The following PTCHD4 variants were observed in gnomAD, a reference collection of about 807,000 sequenced individuals.
The protein encoded by PTCHD4 is patched domain containing 4, also known as patched domain-containing protein 4.
A neutral mutation model predicts 58.1 loss-of-function variants in PTCHD4; 33 were observed. The ratio of observed to expected loss-of-function variants is 0.57; its 90% CI spans 0.43 to 0.76. PTCHD4 has a LOEUF of 0.76. PTCHD4 is among the 30% of genes least tolerant of loss of function. PTCHD4 has a pLI of 0.00. For missense variants in PTCHD4, 1,058 were observed against 1,027.1 expected, an observed-to-expected ratio of 1.03 and a Z score of -0.41; for synonymous variants, 478 against 409.6, an observed-to-expected ratio of 1.17 and a Z score of -2.02.
At chr6:48,002,400 A>G (rs1276452863) in intron 4 of PTCHD4, among the ~76,000 whole-genome samples, 1 of 152,220 alleles carries the variant, frequency 6.6e-6, no homozygotes, top group African/African-American at 2.4e-5. Flanking sequence ...AAAATGTGGC[A>G]CATATACACC....
Position 48,033,638 on chromosome 6 carries a change from T to A in PTCHD4, c.418-24524A>T, listed in dbSNP as rs557009722. On this transcript the variant is annotated intron_variant, in intron 3 of 4. Transcript: ENST00000339488. ...ACTGAAAACTCTACATCCAGATGCA[T>A]GGAGACTTGTAATACCAGTCATGAC... Among the ~76,000 whole-genome samples, 3 of 151,996 alleles carry A rather than the reference T, an allele frequency of 2.0e-5. No individual in the cohort carries two copies. In the East Asian group the frequency reaches 5.8e-4, roughly 29 times the overall value.
intron 4 of PTCHD4, among the ~76,000 whole-genome samples, chr6:47,952,626 A>C (rs547414911): frequency 6.6e-6 from 1 of 152,260 alleles, no homozygotes; most frequent in South Asian, 2.1e-4. Context: ...ATACCTTGCT[A>C]TACCTTTCTT....
intron 4 of PTCHD4, among the ~76,000 whole-genome samples, chr6:47,966,711 G>A (rs1045811180): frequency 7.9e-5 from 12 of 152,122 alleles, no homozygotes; most frequent in African/African-American, 2.2e-4. Flanking sequence ...TCCTTACCAG[G>A]AGTAGATTCC....
In PTCHD4 at chr6:47,872,392, A is replaced by G. The variant is rs1281042464; in HGVS notation, c.*5911T>C. 6.6e-6 allele frequency among the ~76,000 whole-genome samples: 1 copy of G among 151,684 alleles called. No individual in the cohort carries two copies. Among genetic ancestry groups the G allele is most frequent in the Non-Finnish European group, 1.5e-5 (1 of 67,760 alleles). On this transcript the variant is annotated 3_prime_UTR_variant, in exon 5 of 5. Transcript: ENST00000339488. ...TGCTTACTCTACAAACTGTGGCAAC[A>G]GAGGGAAAGAAAACCGTAATGCTCC... is the stretch of plus-strand genomic sequence containing the variant.
chr6:47,957,593 TA>T (rs1205263602), intron 4 of PTCHD4, among the ~76,000 whole-genome samples: 4 of 150,458 alleles, frequency 2.7e-5, no homozygotes, highest in African/African-American at 9.7e-5. Context: ...TTATTTTTTT[TA>T]TTTTTATTTT....
At chr6:47,949,565 T>C (rs571902744) in intron 4 of PTCHD4, among the ~76,000 whole-genome samples, 79 of 152,274 alleles carry the variant, frequency 5.2e-4, no homozygotes, top group African/African-American at 1.9e-3. Context: ...GTATTGATTA[T>C]CTGCTTGAGG....
chr6:47,987,548 TA>T (rs1311798337), intron 4 of PTCHD4, among the ~76,000 whole-genome samples: 1 of 152,044 alleles, frequency 6.6e-6, no homozygotes, highest in African/African-American at 2.4e-5. Flanking sequence ...AAATGCTTGA[TA>T]AAAAATAAAC....
intron 4 of PTCHD4, among the ~76,000 whole-genome samples, chr6:47,985,680 C>T (rs1055270840): frequency 6.6e-6 from 1 of 151,844 alleles, no homozygotes; most frequent in Non-Finnish European, 1.5e-5. Context: ...TTGCCATGCC[C>T]TATTTTTCAC....
At chr6:48,097,276 A>G (rs188737039) in intron 1 of PTCHD4, among the ~76,000 whole-genome samples, 4 of 152,248 alleles carry the variant, frequency 2.6e-5, no homozygotes, top group Admixed American at 2.6e-4. Flanking sequence ...AGATCTTTTT[A>G]TTGTTAAGAT....
intron 4 of PTCHD4, among the ~76,000 whole-genome samples, chr6:48,007,105 T>A (rs954499086): frequency 1.3e-5 from 2 of 152,032 alleles, no homozygotes; most frequent in East Asian, 3.9e-4. Flanking sequence ...CCAGGAGTGG[T>A]AGCCAGCACC....
At chr6:48,110,607 C>T (rs1490345716) in intron 1 of PTCHD4, among the ~76,000 whole-genome samples, 1 of 150,152 alleles carries the variant, frequency 6.7e-6, no homozygotes. Context: ...TGAAAATTTG[C>T]TGAGTAGAGT....
At chr6:47,889,805 A>C (rs1764320060) in intron 4 of PTCHD4, among the ~76,000 whole-genome samples, 1 of 151,036 alleles carries the variant, frequency 6.6e-6, no homozygotes, top group Non-Finnish European at 1.5e-5. Flanking sequence ...CAAGGACTTC[A>C]TGTCTAAAAC....
At chr6:47,957,251 A>ATATATATAT (rs1331261696) in intron 4 of PTCHD4, among the ~76,000 whole-genome samples, 2 of 147,854 alleles carry the variant, frequency 1.4e-5, no homozygotes, top group African/African-American at 4.9e-5. Context: ...GTTAAGGTTT[A>ATATATATAT]TATATATATA....
chr6:47,927,634 A>G (rs1168761288), intron 4 of PTCHD4, among the ~76,000 whole-genome samples: 1 of 152,164 alleles, frequency 6.6e-6, no homozygotes, highest in Non-Finnish European at 1.5e-5. Flanking sequence ...CTCTAATTCC[A>G]TACATACAAT....
At chr6:48,040,414 C>G (rs565312399) in intron 3 of PTCHD4, among the ~76,000 whole-genome samples, 1 of 151,942 alleles carries the variant, frequency 6.6e-6, no homozygotes, top group Non-Finnish European at 1.5e-5. Flanking sequence ...TTTCCTCCCT[C>G]CCTCAGTGAA....
intron 1 of PTCHD4, among the ~76,000 whole-genome samples, chr6:48,087,562 T>A (rs1158177671): frequency 6.6e-6 from 1 of 152,198 alleles, no homozygotes; most frequent in Admixed American, 6.5e-5. Flanking sequence ...TTCAAAATAG[T>A]CCTAGGTGGG....
chr6:48,095,120 T>C (rs1048695528), intron 1 of PTCHD4, among the ~76,000 whole-genome samples: 1 of 152,222 alleles, frequency 6.6e-6, no homozygotes, highest in Admixed American at 6.5e-5. Flanking sequence ...CATAGAGGTA[T>C]ATATGTGTCA....
At chr6:47,993,187 T>C (rs1428191930) in intron 4 of PTCHD4, among the ~76,000 whole-genome samples, 1 of 152,198 alleles carries the variant, frequency 6.6e-6, no homozygotes, top group Non-Finnish European at 1.5e-5. Context: ...ATAGCCACCA[T>C]GACCTAAAAA....
At chr6:47,890,446 C>T (rs999671617) in intron 4 of PTCHD4, among the ~76,000 whole-genome samples, 1 of 152,084 alleles carries the variant, frequency 6.6e-6, no homozygotes, top group Admixed American at 6.5e-5. Context: ...TGACCTCAGG[C>T]CGTTTTTGTA....
Sources: gnomAD v4.1 joint callset for allele counts (sites outside exome capture counted in the v4.1 genomes callset) on GRCh38, gnomAD v4.1.1 for gene constraint, MANE v1.5 for transcripts, NCBI Gene and HGNC (gene_info 2026-07-23, HGNC 2026-07-21) for gene names.